The following BRD8 variants were observed in gnomAD, a reference collection of about 807,000 sequenced individuals.
BRD8 encodes bromodomain containing 8.
A neutral mutation model predicts 143.1 loss-of-function variants in BRD8; 67 were observed. The observed-to-expected ratio is 0.47, with a 90% CI of 0.38 to 0.57. BRD8 has a LOEUF of 0.57. Ranked by LOEUF, BRD8 falls within the 20% of genes least tolerant of loss-of-function variation. The probability of loss-of-function intolerance (pLI) is 0.00; values close to 1 mark genes in which losing one functional copy is unlikely to be tolerated. For missense variants in BRD8, 1,103 were observed against 1,503.0 expected (o/e 0.73, Z 4.40); for synonymous variants, 505 against 517.1 (o/e 0.98, Z 0.32).
intron 12 of BRD8, 126 bp downstream of exon 12, chr5:138,164,588 T>C (rs1753248055): frequency 1.6e-6 from 2 of 1,222,000 alleles, no homozygotes; most frequent in East Asian, 2.4e-5. Flanking sequence ...TCACAGCCTA[T>C]GGGCTTTGGA....
chr5:138,141,833 TG>T (rs138696615), intron 25 of BRD8, among the ~76,000 whole-genome samples: 13,932 of 152,214 alleles, frequency 0.092, 919 homozygotes, highest in Non-Finnish European at 0.13. Flanking sequence ...AAGACTGAAC[TG>T]CAGGTAAGAA....
intron 14 of BRD8, 66 bp downstream of exon 14, chr5:138,164,021 T>A: frequency 2.0e-6 from 3 of 1,529,252 alleles, no homozygotes; most frequent in Non-Finnish European, 2.7e-6. Flanking sequence ...CTGAAATTCA[T>A]TAAAAAGTAG....
In BRD8 at chr5:138,176,034, G is replaced by A. The variant is rs12655056; in HGVS notation, c.116+1537C>T. 2.2e-4 allele frequency among the ~76,000 whole-genome samples: 33 copies of A among 149,966 alleles called. No individual in the cohort carries two copies. The East Asian group carries it at 4.5e-3, about 20-fold the overall frequency. On this transcript the variant is annotated intron_variant, in intron 2 of 26. Coordinates refer to ENST00000254900, the MANE Select transcript of BRD8 (RefSeq NM_139199.2). ...AAACATTGTCCACAACCTTGTACACGAATGTGCACATCATCAGCATTATTC... is the reference window on the plus strand; with the variant it reads ...AAACATTGTCCACAACCTTGTACACAAATGTGCACATCATCAGCATTATTC...
At chr5:138,164,023 A>G in intron 14 of BRD8, 64 bp downstream of exon 14, 6 of 1,537,364 alleles carry the variant, frequency 3.9e-6, no homozygotes, top group Non-Finnish European at 5.4e-6. Flanking sequence ...GAAATTCATT[A>G]AAAAGTAGTG....
chr5:138,149,911 T>C (rs1752311658), intron 22 of BRD8, 114 bp from the exon 23 acceptor site: 1 of 966,544 alleles, frequency 1.0e-6, no homozygotes, highest in Admixed American at 3.0e-5. Context: ...GTCAATTACA[T>C]AAAGCTACAA....
rs1753764834 is a variant in BRD8, at chr5:138,170,349, G to A, written c.501C>T (p.Tyr167=). ...GGCATACTAGGTTCAGCTTACCCTG[G>A]TATGCAGCATCTGTAGCCTTCCTCT... ...EVKRKATDAA[Y]QARQAVKTPP... The change falls in exon 7 of 27, where the codon TAC becomes TAT. Residue 167 remains tyrosine (Y), a synonymous_variant. Coordinates refer to ENST00000254900, the MANE Select transcript of BRD8 (RefSeq NM_139199.2). 1 of 1,609,158 alleles carries A rather than the reference G, an allele frequency of 6.2e-7. No homozygotes were observed. The highest frequency in any genetic ancestry group is 8.5e-7 in the Non-Finnish European group (1 of 1,175,580).
intron 7 of BRD8, among the ~76,000 whole-genome samples, chr5:138,169,896 T>C (rs1489998943): frequency 6.6e-6 from 1 of 152,128 alleles, no homozygotes; most frequent in African/African-American, 2.4e-5. Context: ...GAGGCGGAGG[T>C]TGCAGTGACC....
At chr5:138,169,779 C>T (rs1412867727) in intron 7 of BRD8, among the ~76,000 whole-genome samples, 1 of 151,970 alleles carries the variant, frequency 6.6e-6, no homozygotes, top group Non-Finnish European at 1.5e-5. Flanking sequence ...GACCAGCCTG[C>T]GAAACCCCAT....
Position 138,165,240 on chromosome 5 carries a change from T to A in BRD8, c.1279-74A>T. The A allele has an allele frequency of 3.4e-6, 5 of 1,462,084 alleles. No homozygotes were observed. In the South Asian group the frequency reaches 6.3e-5, roughly 18 times the overall value. 90.6% of individuals were successfully genotyped at this position (1,462,084 alleles called of 1,614,324 possible). A position where few individuals can be genotyped will look rare whatever the true frequency, so the allele number is the denominator to read the frequency against. On this transcript the variant is annotated intron_variant, in intron 11 of 26. Transcript: ENST00000254900. ...TCCTTCAATTTTTGTTAGCACCAAA[T>A]GTGATGGCTTGAATCTGCAGCTTTT...
chr5:138,177,678 G>GAC lies in BRD8; in HGVS notation c.20-12_20-11insGT. The GAC allele has an allele frequency of 8.0e-7, 1 of 1,247,840 alleles. No individual in the cohort carries two copies. The highest frequency in any genetic ancestry group is 1.1e-6 in the Non-Finnish European group (1 of 937,976). 77.3% of individuals were successfully genotyped at this position (1,247,840 alleles called of 1,614,324 possible). On this transcript the variant is annotated splice_polypyrimidine_tract_variant and intron_variant, in intron 1 of 26. Coordinates refer to ENST00000254900, the MANE Select transcript of BRD8 (RefSeq NM_139199.2). The stretch of plus-strand genomic sequence containing the variant: ...TTAGCAGCTTGTGTTCTGGGAAAGG[G>GAC]AGAAAAAAAAAAAAGCCTTGGAAAC...
intron 12 of BRD8, 124 bp from the exon 13 acceptor site, chr5:138,164,537 C>A: frequency 8.9e-7 from 1 of 1,122,802 alleles, no homozygotes; most frequent in Non-Finnish European, 1.3e-6. Context: ...TAATGTGACT[C>A]CAATGGTCAC....
At chr5:138,159,425 A>G (rs970765783) in intron 20 of BRD8, 130 bp downstream of exon 20, 2 of 933,954 alleles carry the variant, frequency 2.1e-6, no homozygotes, top group East Asian at 2.4e-5. Flanking sequence ...TTCTTATTCA[A>G]TGACCTGAAT....
At chr5:138,149,548 C>T (rs536375055) in intron 23 of BRD8, 92 bp downstream of exon 23, 63 of 1,193,004 alleles carry the variant, frequency 5.3e-5, no homozygotes, top group Admixed American at 2.1e-4. Flanking sequence ...CTCTAATTTT[C>T]TTTAACTTAT....
chr5:138,139,926 G>T lies in BRD8; in HGVS notation c.*148C>A. The T allele has an allele frequency of 3.3e-6, 2 of 612,564 alleles. No homozygotes were observed. Among genetic ancestry groups the T allele is most frequent in the East Asian group, 5.5e-5 (2 of 36,274 alleles). The allele number at this position is 612,564 out of a possible 1,614,324, so 37.9% of individuals were successfully genotyped here. A position where few individuals can be genotyped will look rare whatever the true frequency, so the allele number is the denominator to read the frequency against. ...TTTTTTCTTTATATTATGTCCACAT[G>T]CATCTTTGACTCGTTGGTTGTGAGT... is the stretch of plus-strand genomic sequence containing the variant. On this transcript the variant is annotated 3_prime_UTR_variant, in exon 27 of 27. Coordinates refer to ENST00000254900, the MANE Select transcript of BRD8 (RefSeq NM_139199.2).
At chr5:138,174,893 T>A (rs924298539) in intron 2 of BRD8, among the ~76,000 whole-genome samples, 1 of 151,228 alleles carries the variant, frequency 6.6e-6, no homozygotes, top group South Asian at 2.1e-4. Flanking sequence ...ACTCAAGTTT[T>A]TTTTTTTTTT....
intron 17 of BRD8, chr5:138,161,296 CAG>C: frequency 2.5e-6 from 1 of 394,196 alleles, no homozygotes; most frequent in Middle Eastern, 6.9e-4. Context: ...TTTTTGGAGA[CAG>C]GGCCTGGATC....
Position 138,144,137 on chromosome 5 carries a change from G to A in BRD8, c.3437+1040C>T, listed in dbSNP as rs543546246. Among the ~76,000 whole-genome samples the A allele has an allele frequency of 2.2e-3, 339 of 151,306 alleles. 4 individuals carry two copies. Among genetic ancestry groups the A allele is most frequent in the Middle Eastern group, 3.4e-3 (1 of 294 alleles). Reference sequence around the variant, plus strand: ...AACTCCGGATGTACCACCTTTAAGAGCTGTAACACTCACCGCCAAGGTCTG... The same window carrying A: ...AACTCCGGATGTACCACCTTTAAGAACTGTAACACTCACCGCCAAGGTCTG... On this transcript the variant is annotated intron_variant, in intron 25 of 26. Transcript: ENST00000254900.
At chr5:138,178,482 AC>A in intron 1 of BRD8, 113 bp downstream of exon 1, 1 of 986,108 alleles carries the variant, frequency 1.0e-6, no homozygotes, top group Non-Finnish European at 1.6e-6. Flanking sequence ...GTCTCTGAAA[AC>A]CCTGGGCTCT....
chr5:138,152,352 A>G, intron 21 of BRD8, 130 bp downstream of exon 21: 1 of 1,285,560 alleles, frequency 7.8e-7, no homozygotes, highest in Middle Eastern at 2.8e-4. Flanking sequence ...ATAGCAATGA[A>G]CTTAATCCCT....
Sources: gnomAD v4.1 joint callset for allele counts (sites outside exome capture counted in the v4.1 genomes callset) on GRCh38, gnomAD v4.1.1 for gene constraint, MANE v1.5 for transcripts, NCBI Gene and HGNC (gene_info 2026-07-23, HGNC 2026-07-21) for gene names.